The following UTRN variants were observed in gnomAD, a reference collection of about 807,000 sequenced individuals.
UTRN encodes the protein utrophin, also known as dystrophin-related protein 1.
Under a neutral mutation model 463.9 loss-of-function variants are expected in UTRN, and 283 were observed. That is an observed-to-expected ratio of 0.61 (90% confidence interval 0.55 to 0.67). The LOEUF is 0.67. Among genes scored for constraint, UTRN ranks in the 30% least tolerant of loss-of-function variants. The probability of loss-of-function intolerance (pLI) is 0.00; values close to 1 mark genes in which losing one functional copy is unlikely to be tolerated. For synonymous variants in UTRN, 1,442 were observed against 1,431.5 expected, an observed-to-expected ratio of 1.01 and a Z score of -0.17; for missense variants, 3,922 against 4,084.3, an observed-to-expected ratio of 0.96 and a Z score of 1.08.
intron 2 of UTRN, among the ~76,000 whole-genome samples, chr6:144,293,957 A>C (rs1804467789): frequency 6.6e-6 from 1 of 152,038 alleles, no homozygotes; most frequent in South Asian, 2.1e-4. Flanking sequence ...TAAGTAAACA[A>C]GTATGTATTA....
chr6:144,526,919 C>G (rs1796621826), intron 41 of UTRN, among the ~76,000 whole-genome samples: 1 of 152,028 alleles, frequency 6.6e-6, no homozygotes, highest in Non-Finnish European at 1.5e-5. Context: ...CCTCAGCCTC[C>G]CATGTAGCTG....
intron 34 of UTRN, among the ~76,000 whole-genome samples, chr6:144,502,121 A>G (rs1237634532): frequency 1.3e-5 from 2 of 151,640 alleles, no homozygotes; most frequent in Non-Finnish European, 2.9e-5. Flanking sequence ...TTTTTTGAAA[A>G]AAAGTAAATC....
chr6:144,813,768 T>C (rs1350517847), intron 65 of UTRN, among the ~76,000 whole-genome samples: 2 of 152,156 alleles, frequency 1.3e-5, no homozygotes, highest in Non-Finnish European at 2.9e-5. Flanking sequence ...GCAACAGATA[T>C]TTAATGGAAA....
intron 54 of UTRN, among the ~76,000 whole-genome samples, chr6:144,736,429 G>T (rs908379153): frequency 7.2e-5 from 11 of 152,024 alleles, no homozygotes; most frequent in Non-Finnish European, 1.6e-4. Flanking sequence ...TTTCCTCCAT[G>T]ATTTTTATCT....
chr6:144,354,561 T>A (rs1490104592), intron 2 of UTRN, among the ~76,000 whole-genome samples: 1 of 152,220 alleles, frequency 6.6e-6, no homozygotes, highest in Non-Finnish European at 1.5e-5. Flanking sequence ...AATTGGTACT[T>A]TGGAGCCAGT....
At chr6:144,613,928 A>G (rs970092189) in intron 51 of UTRN, among the ~76,000 whole-genome samples, 1 of 152,058 alleles carries the variant, frequency 6.6e-6, no homozygotes, top group African/African-American at 2.4e-5. Flanking sequence ...TCAAAACACT[A>G]TTTTATTTTA....
chr6:144,359,264 G>T (rs895299937), intron 2 of UTRN, among the ~76,000 whole-genome samples: 2 of 152,204 alleles, frequency 1.3e-5, no homozygotes. Flanking sequence ...CTTTTCCCCA[G>T]TGGTGACAAA....
intron 2 of UTRN, among the ~76,000 whole-genome samples, chr6:144,347,648 G>A (rs1441921691): frequency 6.6e-6 from 1 of 152,098 alleles, no homozygotes; most frequent in African/African-American, 2.4e-5. Flanking sequence ...TGGCTGATCT[G>A]GGGGAATGCT....
At chr6:144,752,021 A>G in intron 56 of UTRN, 69 bp downstream of exon 56, 2 of 1,376,088 alleles carry the variant, frequency 1.5e-6, no homozygotes, top group East Asian at 2.6e-5. Flanking sequence ...ACCTCACTAT[A>G]TTACCACTCA....
At chr6:144,444,810 T>C (rs1421428085) in intron 14 of UTRN, among the ~76,000 whole-genome samples, 2 of 152,230 alleles carry the variant, frequency 1.3e-5, no homozygotes, top group Non-Finnish European at 2.9e-5. Flanking sequence ...TTTTAACAAG[T>C]ATTGAAATTA....
chr6:144,403,090 C>T (rs776505385), intron 2 of UTRN, 33 bp from the exon 3 acceptor site: 2 of 1,596,406 alleles, frequency 1.3e-6, no homozygotes, highest in African/African-American at 1.3e-5. Context: ...GACTCTCATA[C>T]TTTTTCCTTC....
intron 13 of UTRN, 40 bp downstream of exon 13, chr6:144,440,511 T>C: frequency 6.2e-7 from 1 of 1,613,234 alleles, no homozygotes; most frequent in Non-Finnish European, 8.5e-7. Context: ...GAGGGACCTG[T>C]GGTCTGAGAC....
At chr6:144,832,889 A>G (rs1159310550) in intron 69 of UTRN, among the ~76,000 whole-genome samples, 1 of 152,046 alleles carries the variant, frequency 6.6e-6, no homozygotes, top group Non-Finnish European at 1.5e-5. Flanking sequence ...GCACAATCTC[A>G]GCTCACTGCA....
chr6:144,708,165 A>G (rs1489377966), intron 53 of UTRN: 4 of 511,658 alleles, frequency 7.8e-6, no homozygotes, highest in African/African-American at 6.0e-5. Context: ...GATAAGACCA[A>G]TGGAAGGTTT....
intron 53 of UTRN, among the ~76,000 whole-genome samples, chr6:144,729,200 C>T (rs1162708034): frequency 6.6e-6 from 1 of 152,124 alleles, no homozygotes; most frequent in South Asian, 2.1e-4. Flanking sequence ...AAATGTAGCC[C>T]ATTAGTCTCT....
intron 34 of UTRN, among the ~76,000 whole-genome samples, chr6:144,505,135 A>G (rs1469909895): frequency 1.3e-5 from 2 of 151,858 alleles, no homozygotes; most frequent in East Asian, 1.9e-4. Context: ...GTGTGTGACT[A>G]TTTGATTCTT....
chr6:144,453,987 G>T, intron 19 of UTRN, 118 bp downstream of exon 19: 3 of 774,578 alleles, frequency 3.9e-6, no homozygotes, highest in South Asian at 2.7e-5. Context: ...CTAGATAAAT[G>T]GTTTTCAAAA....
intron 54 of UTRN, among the ~76,000 whole-genome samples, chr6:144,741,589 C>G (rs913084788): frequency 1.3e-5 from 2 of 152,072 alleles, no homozygotes; most frequent in African/African-American, 4.8e-5. Context: ...TTATTGCCAC[C>G]TGCCTGCCCC....
At chr6:144,316,515 T>C (rs947942508) in intron 2 of UTRN, among the ~76,000 whole-genome samples, 8 of 152,254 alleles carry the variant, frequency 5.3e-5, no homozygotes, top group African/African-American at 1.9e-4. Context: ...TCAGGAGTCT[T>C]AGCCAAAGTC....
Sources: allele counts gnomAD v4.1 joint callset (sites outside exome capture counted in the v4.1 genomes callset), GRCh38; gene constraint gnomAD v4.1.1; transcripts MANE v1.5; gene names NCBI Gene and HGNC (gene_info 2026-07-23, HGNC 2026-07-21).